Variants in NAA35 observed in about 807,000 individuals in gnomAD.
NAA35 encodes the protein MAK10 homolog, amino-acid N-acetyltransferase subunit.
Under a neutral mutation model 101.7 loss-of-function variants are expected in NAA35, and 18 were observed. The observed-to-expected ratio is 0.18, with a 90% confidence interval of 0.12 to 0.26. The LOEUF is 0.26. Among genes scored for constraint, NAA35 ranks in the 10% least tolerant of loss-of-function variants. The probability of loss-of-function intolerance (pLI) is 1.00; values close to 1 mark genes in which losing one functional copy is unlikely to be tolerated. For synonymous variants in NAA35, 267 were observed against 273.1 expected, an observed-to-expected ratio of 0.98 and a Z score of 0.22; for missense variants, 601 against 886.8, an observed-to-expected ratio of 0.68 and a Z score of 4.09.
chr9:86,022,078 C>T lies in NAA35; in HGVS notation c.*118C>T, dbSNP rs1832587830. On this transcript the variant is annotated 3_prime_UTR_variant, in exon 23 of 23. Coordinates refer to ENST00000361671, the MANE Select transcript of NAA35 (RefSeq NM_024635.4). ...GAGATGGATTTCTTGGGTAACAACT[C>T]ATTATAAGGAATACTTTTAGTTTGA... The T allele has an allele frequency of 8.4e-6, 6 of 716,998 alleles. No homozygotes were observed. The highest frequency in any genetic ancestry group is 1.8e-5 in the African/African-American group (1 of 54,930). 44.4% of individuals were successfully genotyped at this position (716,998 alleles called of 1,614,324 possible).
At chr9:85,952,426 C>T (rs1829061066) in intron 2 of NAA35, among the ~76,000 whole-genome samples, 1 of 151,826 alleles carries the variant, frequency 6.6e-6, no homozygotes, top group Admixed American at 6.6e-5. Context: ...GCTGGGATTA[C>T]AGGCGCACAC....
At chr9:85,993,934 C>T (rs544954350) in intron 11 of NAA35, among the ~76,000 whole-genome samples, 1 of 152,048 alleles carries the variant, frequency 6.6e-6, no homozygotes, top group South Asian at 2.1e-4. Context: ...TCAGCCTCCC[C>T]AGTAGCCAGG....
At chr9:86,017,317 T>A (rs944192298) in intron 18 of NAA35, among the ~76,000 whole-genome samples, 181 bp from the exon 19 acceptor site, 1 of 152,248 alleles carries the variant, frequency 6.6e-6, no homozygotes, top group African/African-American at 2.4e-5. Flanking sequence ...TTTGGGGACA[T>A]GATTATTATA....
chr9:85,952,074 G>T (rs988764668), intron 2 of NAA35, among the ~76,000 whole-genome samples: 1 of 152,122 alleles, frequency 6.6e-6, no homozygotes, highest in Non-Finnish European at 1.5e-5. Context: ...GACTTACAGT[G>T]GCAGATACGT....
At chr9:85,980,886 G>A (rs1004503416) in intron 11 of NAA35, among the ~76,000 whole-genome samples, 54 of 152,100 alleles carry the variant, frequency 3.6e-4, no homozygotes, top group African/African-American at 1.3e-3. Context: ...AAATTTATAT[G>A]CTTCAAATTA....
chr9:86,016,992 G>A (rs12551754), intron 18 of NAA35, among the ~76,000 whole-genome samples: 1 of 152,232 alleles, frequency 6.6e-6, no homozygotes, highest in South Asian at 2.1e-4. Flanking sequence ...AGATAGCTCA[G>A]GAGGGCAGTA....
chr9:85,990,866 G>T (rs114898319), intron 11 of NAA35, among the ~76,000 whole-genome samples: 3 of 152,204 alleles, frequency 2.0e-5, no homozygotes, highest in African/African-American at 7.2e-5. Flanking sequence ...TGGGCCATCA[G>T]AGTCTGTGTG....
rs768298835 is a variant in NAA35 at position 86,024,621 on chromosome 9, A to G, written c.*2661A>G. ...TTTTCAGAGGTACAGCTAATGGGACATGGTGAATGAGAGTTTCTGCCAAAA... is the reference window on the plus strand; with the variant it reads ...TTTTCAGAGGTACAGCTAATGGGACGTGGTGAATGAGAGTTTCTGCCAAAA... On this transcript the variant is annotated 3_prime_UTR_variant, in exon 23 of 23. Transcript: ENST00000361671. Among the ~76,000 whole-genome samples, 1 of 152,196 alleles carries G rather than the reference A, an allele frequency of 6.6e-6. No individual in the cohort carries two copies. The highest frequency in any genetic ancestry group is 1.5e-5 in the Non-Finnish European group (1 of 68,028).
At chr9:85,988,458 T>G (rs138717288) in intron 11 of NAA35, among the ~76,000 whole-genome samples, 84 of 151,986 alleles carry the variant, frequency 5.5e-4, no homozygotes, top group Non-Finnish European at 1.2e-3. Flanking sequence ...TCCTGAGAGA[T>G]CTCATTGAAA....
At chr9:85,978,509 A>G (rs1021557004) in intron 11 of NAA35, 128 bp downstream of exon 11, 1 of 635,444 alleles carries the variant, frequency 1.6e-6, no homozygotes. Context: ...AGAGACTTAC[A>G]GTGTTTAGGC....
At chr9:86,008,408 T>C (rs1831746580) in intron 14 of NAA35, among the ~76,000 whole-genome samples, 1 of 152,200 alleles carries the variant, frequency 6.6e-6, no homozygotes, top group Non-Finnish European at 1.5e-5. Flanking sequence ...AGCTCAAATC[T>C]TTTGAAAGCA....
intron 2 of NAA35, among the ~76,000 whole-genome samples, chr9:85,954,188 C>G (rs1186050418): frequency 6.6e-6 from 1 of 152,026 alleles, no homozygotes; most frequent in African/African-American, 2.4e-5. Flanking sequence ...TCAAGCAATC[C>G]TCCCACCTCA....
intron 2 of NAA35, among the ~76,000 whole-genome samples, chr9:85,943,756 A>G (rs1828629138): frequency 1.3e-5 from 2 of 152,188 alleles, no homozygotes; most frequent in South Asian, 4.1e-4. Context: ...GGGGGCTGTC[A>G]TTATTAACCT....
Position 85,996,575 on chromosome 9 carries a change from C to G in NAA35, c.1054C>G (p.Leu352Val), listed in dbSNP as rs532139527. Residue 352 changes from leucine to valine, a missense_variant and splice_region_variant, in exon 12 of 23, where the codon CTG (leucine) becomes GTG (valine). Coordinates refer to ENST00000361671, the MANE Select transcript of NAA35 (RefSeq NM_024635.4). ...VVNLTNLHCI[L>V]DFFCEFSEQS... ...GAATTTAACAAATTTACATTGTATCCTGGTAAGTACAAATCTCTGTTCCAG... is the reference window on the plus strand; with the variant it reads ...GAATTTAACAAATTTACATTGTATCGTGGTAAGTACAAATCTCTGTTCCAG... 1.9e-6 allele frequency: 3 copies of G among 1,552,780 alleles called. No individual in the cohort carries two copies. The highest frequency in any genetic ancestry group is 4.7e-5 in the East Asian group (2 of 42,930).
At chr9:86,008,843 A>C (rs1278700234) in intron 14 of NAA35, among the ~76,000 whole-genome samples, 1 of 152,200 alleles carries the variant, frequency 6.6e-6, no homozygotes, top group East Asian at 1.9e-4. Context: ...CAGAAGTTTT[A>C]CCAGAATATT....
At chr9:85,989,945 A>G (rs1465280310) in intron 11 of NAA35, among the ~76,000 whole-genome samples, 7 of 152,246 alleles carry the variant, frequency 4.6e-5, no homozygotes, top group African/African-American at 1.4e-4. Flanking sequence ...GAGGTAACCA[A>G]TGGCGATAGA....
intron 5 of NAA35, among the ~76,000 whole-genome samples, chr9:85,960,813 TGA>T (rs1829481154): frequency 6.6e-6 from 1 of 152,124 alleles, no homozygotes; most frequent in East Asian, 1.9e-4. Flanking sequence ...TAATTATGTC[TGA>T]GAGAGTAAGA....
intron 12 of NAA35, among the ~76,000 whole-genome samples, chr9:85,998,800 G>C (rs1831287842): frequency 6.6e-6 from 1 of 152,204 alleles, no homozygotes; most frequent in Non-Finnish European, 1.5e-5. Flanking sequence ...CTAGGCATTT[G>C]AGTGTTGTTA....
Position 86,010,826 on chromosome 9 carries a change from C to T in NAA35, c.1290+895C>T, listed in dbSNP as rs1831889606. ...TCTCCTAACCTCGTGATCCACCCGC[C>T]TTGGCCTCCCAAAGTGCTGGGATTA... On this transcript the variant is annotated intron_variant, in intron 15 of 22. Transcript: ENST00000361671. Among the ~76,000 whole-genome samples the T allele has an allele frequency of 3.3e-5, 5 of 151,520 alleles. No individual in the cohort carries two copies. The South Asian group carries it at 8.4e-4, about 25-fold the overall frequency.
Sources: gnomAD v4.1 joint callset for allele counts (sites outside exome capture counted in the v4.1 genomes callset) on GRCh38, gnomAD v4.1.1 for gene constraint, MANE v1.5 for transcripts, NCBI Gene and HGNC (gene_info 2026-07-23, HGNC 2026-07-21) for gene names.